RFPL3: variants seen among roughly 807,000 people sequenced by gnomAD.
RFPL3 encodes ret finger protein like 3, also known as ret finger protein-like 3.
In RFPL3, 8 loss-of-function variants were observed where a neutral mutation model predicts 8.7. The observed-to-expected ratio is 0.92, with a 90% CI of 0.54 to 1.66. The LOEUF is 1.66. Among genes scored for constraint, RFPL3 ranks in the 40% most tolerant of loss-of-function variants. The pLI is 0.00. For missense variants in RFPL3, 341 were observed against 395.0 expected (o/e 0.86, Z 1.16); for synonymous variants, 145 against 150.5 (o/e 0.96, Z 0.27).
At chr22:32,357,762 C>G (rs2413111), upstream of RFPL3, 55,804 of 916,204 alleles carry the variant, frequency 0.061, 3,586 homozygotes, top group East Asian at 0.44. Flanking sequence ...CCATCGTGCC[C>G]AGCCTCTCAG....
At chr22:32,356,750 G>A (rs1932682202), upstream of RFPL3, 4 of 378,562 alleles carry the variant, frequency 1.1e-5, no homozygotes. Flanking sequence ...AGCTGCTGCA[G>A]GACCTCCACT....
rs1932733157 is a variant in RFPL3 at position 32,358,257 on chromosome 22, G to A, written c.186G>A (p.Lys62=). Residue 62 remains lysine, a synonymous_variant, in exon 1 of 2, where the codon AAG becomes AAA. Coordinates refer to ENST00000249007, the MANE Select transcript of RFPL3 (RefSeq NM_001098535.1). ...AGTGTGGATGCACCGTCTGCCTCAA[G>A]TGCATCAATTCGCTGCAGAAGGAGC... is the stretch of plus-strand genomic sequence containing the variant. ...SLECGCTVCL[K]CINSLQKEPH... The A allele has an allele frequency of 6.2e-7, 1 of 1,613,956 alleles. No homozygotes were observed. The highest frequency in any genetic ancestry group is 1.3e-5 in the African/African-American group (1 of 75,030).
At chr22:32,359,371 T>C (rs1177697171) in intron 1 of RFPL3, among the ~76,000 whole-genome samples, 1 of 152,182 alleles carries the variant, frequency 6.6e-6, no homozygotes, top group Non-Finnish European at 1.5e-5. Context: ...AAAATCTATA[T>C]TAGTGATCAT....
At position 32,358,399 on chromosome 22, in the gene RFPL3, C is replaced by A. The variant is rs9621427; in HGVS notation, c.328C>A (p.Leu110Met). 114,197 of 1,613,866 alleles carry A rather than the reference C, an allele frequency of 0.071. 4,878 individuals carry two copies. The highest frequency in any genetic ancestry group is 0.18 in the African/African-American group (13,356 of 74,920). Residue 110 changes from leucine (L) to methionine (M), a missense_variant, in exon 1 of 2, where the codon CTG (leucine) becomes ATG (methionine). Transcript: ENST00000249007. Reference protein sequence around the residue: ...VSHIKELEPKLKKILQMNPRM... With the variant: ...VSHIKELEPKMKKILQMNPRM... ...CCACATCAAGGAACTGGAGCCCAAGCTGAAGAAGATTCTACAGATGAACCC... is the reference window on the plus strand; with the variant it reads ...CCACATCAAGGAACTGGAGCCCAAGATGAAGAAGATTCTACAGATGAACCC...
chr22:32,358,578 C>G (rs1932744048), intron 1 of RFPL3, 134 bp downstream of exon 1: 1 of 1,314,198 alleles, frequency 7.6e-7, no homozygotes, highest in Non-Finnish European at 1.0e-6. Context: ...TCATCACATT[C>G]TCAGCCCTGA....
At chr22:32,357,862 G>A, upstream of RFPL3, 3 of 1,436,982 alleles carry the variant, frequency 2.1e-6, no homozygotes, top group Admixed American at 2.9e-5. Context: ...CCTCACATGG[G>A]TGCTGCCACG....
chr22:32,357,763 A>C, upstream of RFPL3: 1 of 917,698 alleles, frequency 1.1e-6, no homozygotes, highest in Non-Finnish European at 1.4e-6. Flanking sequence ...CATCGTGCCC[A>C]GCCTCTCAGC....
At chr22:32,357,315 C>T (rs1158010929), upstream of RFPL3, among the ~76,000 whole-genome samples, 20 of 152,032 alleles carry the variant, frequency 1.3e-4, no homozygotes, top group Admixed American at 4.6e-4. Context: ...AGTGACCTGG[C>T]GTGGTCTCTG....
At chr22:32,355,233 C>T (rs1321756347), upstream of RFPL3, among the ~76,000 whole-genome samples, 2 of 148,198 alleles carry the variant, frequency 1.3e-5, no homozygotes, top group Non-Finnish European at 3.1e-5. Context: ...TCAGAACATG[C>T]AAATAAAGCC....
At chr22:32,357,515 G>A (rs929856521), upstream of RFPL3, among the ~76,000 whole-genome samples, 14 of 150,440 alleles carry the variant, frequency 9.3e-5, no homozygotes, top group East Asian at 6.0e-4. Flanking sequence ...TGCCCAGGCC[G>A]GAGTGCAATG....
chr22:32,358,006 G>C lies in RFPL3; in HGVS notation c.-66G>C. On this transcript the variant is annotated 5_prime_UTR_variant, in exon 1 of 2. Transcript: ENST00000249007. Reference sequence around the variant, plus strand: ...CTGAGGACGGGGGGTGGGGGGATGTGCTTGAGTGTTTGTACTCATGGTCTT... The same window carrying C: ...CTGAGGACGGGGGGTGGGGGGATGTCCTTGAGTGTTTGTACTCATGGTCTT... The C allele has an allele frequency of 6.4e-7, 1 of 1,574,012 alleles. No homozygotes were observed. The highest frequency in any genetic ancestry group is 1.3e-5 in the African/African-American group (1 of 74,074).
upstream of RFPL3, among the ~76,000 whole-genome samples, chr22:32,356,428 C>G (rs199685171): frequency 4.6e-5 from 7 of 152,126 alleles, no homozygotes; most frequent in Non-Finnish European, 1.0e-4. Context: ...GCCTCTCCCC[C>G]GGGCTGCTAT....
upstream of RFPL3, among the ~76,000 whole-genome samples, chr22:32,355,622 A>G (rs1266995480): frequency 2.6e-5 from 4 of 151,886 alleles, no homozygotes; most frequent in African/African-American, 7.3e-5. Context: ...ACCAAATCCC[A>G]TCAATATTGA....
In RFPL3 at chr22:32,360,670, T is replaced by A; in HGVS notation, c.792T>A (p.Gly264=). 13 of 1,613,788 alleles carry A rather than the reference T, an allele frequency of 8.1e-6. No homozygotes were observed. The highest frequency in any genetic ancestry group is 1.1e-5 in the Non-Finnish European group (13 of 1,179,828). Reference sequence around the variant, plus strand: ...TTTCCTTTTTTGATGCTGAAAGTGGTTCCCATGTCTATACATTCAGGAGCG... The same window carrying A: ...TTTCCTTTTTTGATGCTGAAAGTGGATCCCATGTCTATACATTCAGGAGCG... ...QNVSFFDAES[G]SHVYTFRSVS... The change falls in exon 2 of 2, where the codon GGT becomes GGA. Residue 264 remains glycine, a synonymous_variant. Transcript: ENST00000249007.
In RFPL3 at chr22:32,358,202, C is replaced by G. The variant is rs142824103; in HGVS notation, c.131C>G (p.Ser44Ter). The G allele has an allele frequency of 6.2e-7, 1 of 1,613,866 alleles. No individual in the cohort carries two copies. The highest frequency in any genetic ancestry group is 1.3e-5 in the African/African-American group (1 of 74,916). ...GAAGCAAGCAGCTGTCCCGTCTGCT[C>G]AGACTATCTGGAAAAACCAATGTCC... The part of the protein sequence containing the change: ...FQEASSCPVC[S>*]DYLEKPMSLE... Residue 44 changes from serine to a stop codon, truncating the protein, a stop_gained, in exon 1 of 2, where the codon TCA becomes TGA. Coordinates refer to ENST00000249007, the MANE Select transcript of RFPL3 (RefSeq NM_001098535.1). LOFTEE classifies it high-confidence loss of function.
At chr22:32,357,687 C>T (rs1932714275), upstream of RFPL3, among the ~76,000 whole-genome samples, 1 of 152,156 alleles carries the variant, frequency 6.6e-6, no homozygotes, top group Admixed American at 6.5e-5. Flanking sequence ...TGGTCTCGAA[C>T]TTTTGATGAC....
intron 1 of RFPL3, chr22:32,360,020 G>A (rs1350981802): frequency 8.9e-6 from 5 of 560,432 alleles, no homozygotes; most frequent in Admixed American, 3.5e-5. Flanking sequence ...AAGCAAACAC[G>A]TGACGTAAAG....
Position 32,360,617 on chromosome 22 carries a change from A to G in RFPL3, c.739A>G (p.Ile247Val), listed in dbSNP as rs1932774670. 1.9e-6 allele frequency: 3 copies of G among 1,612,982 alleles called. No individual in the cohort carries two copies. In the South Asian group the frequency reaches 3.3e-5, roughly 18 times the overall value. Residue 247 changes from isoleucine to valine, a missense_variant, in exon 2 of 2, where the codon ATT (isoleucine) becomes GTT (valine). Transcript: ENST00000249007. ...AGACCGCAAGTTACAGCGAGTGGGG[A>G]TTTTTCTGGATATGGGCATGCAGAA... ...LVDRKLQRVG[I>V]FLDMGMQNVS...
Position 32,360,236 on chromosome 22 carries a change from G to A in RFPL3, c.374-16G>A. 1 of 1,601,808 alleles carries A rather than the reference G, an allele frequency of 6.2e-7. No homozygotes were observed. Among genetic ancestry groups the A allele is most frequent in the Non-Finnish European group, 8.5e-7 (1 of 1,171,450 alleles). On this transcript the variant is annotated splice_polypyrimidine_tract_variant and intron_variant, in intron 1 of 1. Transcript: ENST00000249007. ...CTTCTGTCCACTTGCTGAGCAACTTGTTTTCCTTTTCACAGTGGATATGAC... is the reference window on the plus strand; with the variant it reads ...CTTCTGTCCACTTGCTGAGCAACTTATTTTCCTTTTCACAGTGGATATGAC...
Sources: gnomAD v4.1 joint callset for allele counts (sites outside exome capture counted in the v4.1 genomes callset) on GRCh38, gnomAD v4.1.1 for gene constraint, MANE v1.5 for transcripts, NCBI Gene and HGNC (gene_info 2026-07-23, HGNC 2026-07-21) for gene names.